The following ZNF362 variants were observed in gnomAD, a reference collection of about 807,000 sequenced individuals.
The protein encoded by ZNF362 is rotund homolog.
A neutral mutation model predicts 42.9 loss-of-function variants in ZNF362; 11 were observed. The observed-to-expected ratio is 0.26, with a 90% confidence interval of 0.16 to 0.42. The LOEUF is 0.42. Among genes scored for constraint, ZNF362 ranks in the 20% least tolerant of loss-of-function variants. The probability of loss-of-function intolerance (pLI) is 1.00; values close to 1 mark genes in which losing one functional copy is unlikely to be tolerated. For synonymous variants in ZNF362, 255 were observed against 257.3 expected (o/e 0.99, Z 0.09); for missense variants, 362 against 576.2 (o/e 0.63, Z 3.81).
At chr1:33,246,933 G>A in the ZNF362 span, among the ~76,000 whole-genome samples, 1 of 152,232 alleles carries the variant, frequency 6.6e-6, no homozygotes, top group Non-Finnish European at 1.5e-5. Context: ...GAAGGTTGGA[G>A]TAGCTGTTGG....
At chr1:33,165,805 T>G in the ZNF362 span, 6 of 355,838 alleles carry the variant, frequency 1.7e-5, no homozygotes, top group East Asian at 1.3e-4. This position sits in a 1 kb window ranked among gnomAD's most constrained non-coding sequence, Gnocchi z 4.0. Context: ...TTGGCCACCC[T>G]AGAGGCTTCT....
At chr1:33,258,856 A>G (rs941561129) in intron 1 of ZNF362, among the ~76,000 whole-genome samples, 1 of 152,190 alleles carries the variant, frequency 6.6e-6, no homozygotes, top group Non-Finnish European at 1.5e-5. Context: ...GGGGATTATG[A>G]ACCTCATTAT....
the ZNF362 span, among the ~76,000 whole-genome samples, chr1:33,199,603 T>G: frequency 1.3e-5 from 2 of 152,308 alleles, no homozygotes; most frequent in East Asian, 3.9e-4. Context: ...GTACTGGAAA[T>G]GGCAATTATG....
intron 6 of ZNF362, among the ~76,000 whole-genome samples, chr1:33,291,701 G>A (rs1646079557): frequency 6.6e-6 from 1 of 152,174 alleles, no homozygotes; most frequent in Non-Finnish European, 1.5e-5. Context: ...CCGTGAGCAT[G>A]GAATGTTCTT....
At chr1:33,226,289 G>T in the ZNF362 span, among the ~76,000 whole-genome samples, 1 of 152,264 alleles carries the variant, frequency 6.6e-6, no homozygotes, top group African/African-American at 2.4e-5. Context: ...TTTCTGAAGG[G>T]CATAGAGCTA....
the ZNF362 span, among the ~76,000 whole-genome samples, chr1:33,185,624 A>G: frequency 6.6e-6 from 1 of 152,232 alleles, no homozygotes; most frequent in African/African-American, 2.4e-5. Context: ...GCAGAACACT[A>G]AAACTGTTGA....
Position 33,281,635 on chromosome 1 carries a change from C to T in ZNF362, c.732C>T (p.Ile244=). ...TTTTCACCAAGTCAGAGATGCAGAT[C>T]CACTCCAAGTCGCACACAGAGGCCA... ...LTFFTKSEMQ[I]HSKSHTEAKP... The change falls in exon 6 of 9, where the codon ATC becomes ATT. Residue 244 remains isoleucine, a synonymous_variant. Transcript: ENST00000539719. The surrounding 1 kb of genome is among the most constrained non-coding windows in gnomAD (Gnocchi z 4.8). The T allele has an allele frequency of 6.2e-7, 1 of 1,614,220 alleles. No individual in the cohort carries two copies. Among genetic ancestry groups the T allele is most frequent in the Non-Finnish European group, 8.5e-7 (1 of 1,180,038 alleles).
At chr1:33,127,538 G>T in the ZNF362 span, among the ~76,000 whole-genome samples, 3 of 152,246 alleles carry the variant, frequency 2.0e-5, no homozygotes, top group Admixed American at 2.0e-4. Context: ...GGACTGAGGC[G>T]GCGTGGGAAG....
At chr1:33,205,177 T>A in the ZNF362 span, among the ~76,000 whole-genome samples, 1 of 152,106 alleles carries the variant, frequency 6.6e-6, no homozygotes. Context: ...GAGCTAATTT[T>A]AAAATTCTAA....
At chr1:33,136,065 C>T in the ZNF362 span, among the ~76,000 whole-genome samples, 1 of 151,972 alleles carries the variant, frequency 6.6e-6, no homozygotes, top group Non-Finnish European at 1.5e-5. Flanking sequence ...TCTTGACTGC[C>T]CCCATCCCTG....
intron 8 of ZNF362, among the ~76,000 whole-genome samples, chr1:33,296,396 A>AGCT (rs1425182899): frequency 6.6e-6 from 1 of 152,048 alleles, no homozygotes; most frequent in African/African-American, 2.4e-5. Context: ...ATGGCCCTGA[A>AGCT]GCTCTGTCCC....
intron 2 of ZNF362, among the ~76,000 whole-genome samples, chr1:33,272,054 C>T (rs1007170312): frequency 6.5e-5 from 7 of 107,390 alleles, no homozygotes; most frequent in Non-Finnish European, 1.2e-4. Flanking sequence ...GAGGGGGCTC[C>T]CGCTCTGTCC....
At chr1:33,253,603 C>G (rs1191628801), upstream of ZNF362, among the ~76,000 whole-genome samples, 1 of 152,030 alleles carries the variant, frequency 6.6e-6, no homozygotes, top group Non-Finnish European at 1.5e-5. Context: ...ACCCTTCCCC[C>G]ATAAATCCCT....
intron 2 of ZNF362, 56 bp downstream of exon 2, chr1:33,270,668 G>T (rs1179790395): frequency 1.3e-6 from 2 of 1,596,010 alleles, no homozygotes; most frequent in Non-Finnish European, 1.7e-6. Flanking sequence ...GTTCTTTGGG[G>T]GATTAAAGCA....
the ZNF362 span, among the ~76,000 whole-genome samples, chr1:33,249,221 C>G: frequency 6.6e-6 from 1 of 152,132 alleles, no homozygotes; most frequent in South Asian, 2.1e-4. Context: ...TTGGGGAGCA[C>G]ATTCTGAGAG....
At chr1:33,186,442 C>T in the ZNF362 span, among the ~76,000 whole-genome samples, 1 of 151,878 alleles carries the variant, frequency 6.6e-6, no homozygotes, top group Non-Finnish European at 1.5e-5. Flanking sequence ...GTAGTGTTGG[C>T]TGTGAGTTCA....
chr1:33,298,983 G>A lies in ZNF362; in HGVS notation c.1200G>A (p.Val400=). The change falls in exon 9 of 9, where the codon GTG becomes GTA. Residue 400 remains valine (V), a synonymous_variant. Transcript: ENST00000539719. ...AACACACGGTGGTGGAGCACCTGGT[G>A]AGCCATCACTCGCCCCAGAGGACGG... ...MSKHTVVEHL[V]SHHSPQRTES... is the part of the protein sequence containing the mutation. The A allele has an allele frequency of 6.2e-7, 1 of 1,613,590 alleles. No homozygotes were observed. Among genetic ancestry groups the A allele is most frequent in the Non-Finnish European group, 8.5e-7 (1 of 1,180,034 alleles).
chr1:33,190,072 T>C, the ZNF362 span, among the ~76,000 whole-genome samples: 18 of 152,286 alleles, frequency 1.2e-4, no homozygotes, highest in African/African-American at 4.3e-4. Flanking sequence ...TTTGTTCTCC[T>C]GTGTACAGTT....
At chr1:33,226,428 T>G in the ZNF362 span, among the ~76,000 whole-genome samples, 1 of 152,154 alleles carries the variant, frequency 6.6e-6, no homozygotes, top group Non-Finnish European at 1.5e-5. Flanking sequence ...CATAATAGCC[T>G]AAAAATGGAA....
Sources: allele counts gnomAD v4.1 joint callset (sites outside exome capture counted in the v4.1 genomes callset), GRCh38; gene constraint gnomAD v4.1.1; non-coding constraint Gnocchi (gnomAD v3.1); transcripts MANE v1.5; gene names NCBI Gene and HGNC (gene_info 2026-07-23, HGNC 2026-07-21).